The following UBE2F variants were observed in gnomAD, a reference collection of about 807,000 sequenced individuals.
The protein encoded by UBE2F is NEDD8-conjugating enzyme UBE2F.
A neutral mutation model predicts 29.6 loss-of-function variants in UBE2F; 5 were observed. That is an observed-to-expected ratio of 0.17 (90% confidence interval 0.09 to 0.36). The LOEUF (loss-of-function observed/expected upper bound fraction) is 0.36, where lower values mean the gene tolerates loss of function less well. UBE2F is among the 10% of genes least tolerant of loss of function. The pLI is 1.00. For missense variants in UBE2F, 141 were observed against 228.5 expected, an observed-to-expected ratio of 0.62 and a Z score of 2.47; for synonymous variants, 66 against 81.8, an observed-to-expected ratio of 0.81 and a Z score of 1.04.
At chr2:238,026,994 T>C (rs1162596266) in intron 6 of UBE2F, among the ~76,000 whole-genome samples, 16 of 152,210 alleles carry the variant, frequency 1.1e-4, no homozygotes. Context: ...CCTGTGCTTG[T>C]GAGGACACCT....
chr2:238,035,357 C>T (rs1379892361), intron 8 of UBE2F: 1 of 157,602 alleles, frequency 6.3e-6, no homozygotes, highest in African/African-American at 2.4e-5. Flanking sequence ...GGGACATGAG[C>T]CTAGCGACAC....
At chr2:238,037,877 T>C (rs558937310) in intron 9 of UBE2F, among the ~76,000 whole-genome samples, 105 of 152,130 alleles carry the variant, frequency 6.9e-4, no homozygotes, top group Non-Finnish European at 1.3e-3. Flanking sequence ...CCAAAGTGAT[T>C]ACTGCACCCG....
intron 5 of UBE2F, among the ~76,000 whole-genome samples, chr2:238,023,125 T>C (rs2064334240): frequency 6.6e-6 from 1 of 152,188 alleles, no homozygotes; most frequent in African/African-American, 2.4e-5. Context: ...GCCAATTTTC[T>C]AGGTTCCTAC....
chr2:238,026,107 G>C (rs2064421193), intron 6 of UBE2F, among the ~76,000 whole-genome samples: 1 of 152,182 alleles, frequency 6.6e-6, no homozygotes, highest in African/African-American at 2.4e-5. Flanking sequence ...TTGATTGCAG[G>C]GGCTTTGATA....
At chr2:238,012,929 C>G (rs963659845) in intron 4 of UBE2F, among the ~76,000 whole-genome samples, 2 of 152,198 alleles carry the variant, frequency 1.3e-5, no homozygotes, top group African/African-American at 4.8e-5. Flanking sequence ...ACCCAAGACA[C>G]TCCAGCGTGA....
chr2:237,978,497 T>C (rs2063325379), intron 2 of UBE2F, among the ~76,000 whole-genome samples: 1 of 152,178 alleles, frequency 6.6e-6, no homozygotes, highest in Non-Finnish European at 1.5e-5. Flanking sequence ...CTCTCCTGGC[T>C]CGATTCCAGG....
chr2:238,034,943 A>G lies in UBE2F; in HGVS notation c.445-935A>G, dbSNP rs369900726. ...AGTCTTGCTCTGTCACCCAGGCTGG[A>G]GTGCAGTGGCGCCATCTTGGCTCAC... On this transcript the variant is annotated intron_variant, in intron 8 of 9. Coordinates refer to ENST00000272930, the MANE Select transcript of UBE2F (RefSeq NM_080678.3). Among the ~76,000 whole-genome samples the G allele has an allele frequency of 5.3e-5, 8 of 151,734 alleles. No individual in the cohort carries two copies. The East Asian group carries it at 1.4e-3, about 26-fold the overall frequency.
intron 3 of UBE2F, among the ~76,000 whole-genome samples, chr2:237,989,331 G>A (rs541429876): frequency 7.1e-4 from 108 of 152,208 alleles, no homozygotes; most frequent in Non-Finnish European, 1.4e-3. Flanking sequence ...GTTTGAGAGG[G>A]TAAGTATGTA....
At chr2:238,033,385 ATC>A (rs1387784091) in intron 8 of UBE2F, among the ~76,000 whole-genome samples, 2 of 152,188 alleles carry the variant, frequency 1.3e-5, no homozygotes, top group African/African-American at 4.8e-5. Flanking sequence ...AGCTTCAGAG[ATC>A]TGTTTGTGAA....
rs190497001 is a variant in UBE2F, at chr2:237,994,788, T to G, written c.193T>G (p.Phe65Val). 6.2e-7 allele frequency: 1 copy of G among 1,614,164 alleles called. No individual in the cohort carries two copies. The highest frequency in any genetic ancestry group is 1.3e-5 in the African/African-American group (1 of 75,078). Reference sequence around the variant, plus strand: ...TCCTGATCCAAACAAGCTTCATTGTTTTCAGCTAACAGTAACCCCAGGTAA... The same window carrying G: ...TCCTGATCCAAACAAGCTTCATTGTGTTCAGCTAACAGTAACCCCAGGTAA... ...HFPDPNKLHC[F>V]QLTVTPDEGY... The change falls in exon 4 of 10, where the codon TTT becomes GTT. Residue 65 changes from phenylalanine (F) to valine (V), a missense_variant. Phe to Val is a conservative substitution (Grantham distance 50). Coordinates refer to ENST00000272930, the MANE Select transcript of UBE2F (RefSeq NM_080678.3).
At chr2:237,976,139 A>G (rs540576664) in intron 2 of UBE2F, among the ~76,000 whole-genome samples, 2 of 152,356 alleles carry the variant, frequency 1.3e-5, no homozygotes, top group African/African-American at 4.8e-5. Context: ...GCGGGGCAAG[A>G]GCTGGAGCAC....
chr2:238,031,689 A>G (rs1394829526), intron 7 of UBE2F, among the ~76,000 whole-genome samples: 1 of 152,244 alleles, frequency 6.6e-6, no homozygotes, highest in Non-Finnish European at 1.5e-5. Context: ...TCTGGCTTTC[A>G]GTTTTATTTA....
chr2:238,028,398 T>C (rs2064485001), intron 6 of UBE2F, among the ~76,000 whole-genome samples: 1 of 152,234 alleles, frequency 6.6e-6, no homozygotes. Flanking sequence ...ATTCAACAAA[T>C]AAATGACAAA....
intron 3 of UBE2F, among the ~76,000 whole-genome samples, chr2:237,993,054 C>G (rs7580727): frequency 0.37 from 55,355 of 151,166 alleles, 10,327 homozygotes; most frequent in East Asian, 0.52. Context: ...GTGGCGTGAT[C>G]TCAGCTCACT....
intron 5 of UBE2F, 123 bp from the exon 6 acceptor site, chr2:238,025,219 A>G: frequency 1.2e-6 from 1 of 819,166 alleles, no homozygotes; most frequent in South Asian, 1.4e-5. Context: ...TCAGCGAGTC[A>G]AACTGCACAC....
intron 3 of UBE2F, chr2:237,990,548 C>T (rs547274771): frequency 1.2e-5 from 3 of 256,278 alleles, no homozygotes; most frequent in African/African-American, 4.8e-5. Flanking sequence ...GACCTCAGAC[C>T]TCAGGTGCAT....
At chr2:238,005,605 G>GGT (rs1553555639) in intron 4 of UBE2F, among the ~76,000 whole-genome samples, 28 of 149,176 alleles carry the variant, frequency 1.9e-4, no homozygotes, top group East Asian at 2.0e-4. Flanking sequence ...TAGTTTTCTG[G>GGT]TTTTTTTTTT....
At chr2:238,005,113 G>A (rs1242833162) in intron 4 of UBE2F, among the ~76,000 whole-genome samples, 2 of 152,206 alleles carry the variant, frequency 1.3e-5, no homozygotes, top group Non-Finnish European at 2.9e-5. Context: ...TAGCAGCAAT[G>A]CAAAACTAGT....
rs2063069922 is a variant in UBE2F, at chr2:237,967,101, C to G, written c.-48C>G. 1.5e-6 allele frequency: 2 copies of G among 1,343,312 alleles called. No individual in the cohort carries two copies. The highest frequency in any genetic ancestry group is 1.5e-5 in the African/African-American group (1 of 65,582). 83.2% of individuals were successfully genotyped at this position (1,343,312 alleles called of 1,614,324 possible). A position where few individuals can be genotyped will look rare whatever the true frequency, so the allele number is the denominator to read the frequency against. ...CCGGACCGGGCATGGTGTTGGGCGC[C>G]GGGCCCGCCTCGCCTGTCTCGGGGA... is the stretch of plus-strand genomic sequence containing the variant. On this transcript the variant is annotated 5_prime_UTR_variant, in exon 1 of 10. Transcript: ENST00000272930. This position sits in a 1 kb window ranked among gnomAD's most constrained non-coding sequence, Gnocchi z 6.3.
Sources: gnomAD v4.1 joint callset for allele counts (sites outside exome capture counted in the v4.1 genomes callset) on GRCh38, gnomAD v4.1.1 for gene constraint, Gnocchi (gnomAD v3.1) non-coding constraint, MANE v1.5 for transcripts, NCBI Gene and HGNC (gene_info 2026-07-23, HGNC 2026-07-21) for gene names.